The following IL1RAPL2 variants were observed in gnomAD, a reference collection of about 807,000 sequenced individuals.
IL1RAPL2 encodes interleukin 1 receptor accessory protein like 2.
IL1RAPL2 carries 3 observed loss-of-function variants against 44.1 expected under a neutral mutation model. That is an observed-to-expected ratio of 0.07 (90% CI 0.03 to 0.18). The LOEUF (loss-of-function observed/expected upper bound fraction) is 0.18, where lower values mean the gene tolerates loss of function less well. Ranked by LOEUF, IL1RAPL2 falls within the 10% of genes least tolerant of loss-of-function variation. The probability of loss-of-function intolerance (pLI) is 1.00; values close to 1 mark genes in which losing one functional copy is unlikely to be tolerated. For synonymous variants in IL1RAPL2, 181 were observed against 178.8 expected (o/e 1.01, Z -0.10); for missense variants, 391 against 496.4 (o/e 0.79, Z 2.02).
At chrX:105,590,277 G>C (rs1398416728) in intron 6 of IL1RAPL2, among the ~76,000 whole-genome samples, 1 of 111,012 alleles carries the variant, frequency 9.0e-6, no homozygotes, top group Non-Finnish European at 1.9e-5. Flanking sequence ...GATATTTTGG[G>C]CAGAGACCAT....
At chrX:105,048,218 G>A (rs1429057979) in intron 2 of IL1RAPL2, among the ~76,000 whole-genome samples, 1 of 112,017 alleles carries the variant, frequency 8.9e-6, no homozygotes, top group Non-Finnish European at 1.9e-5. Flanking sequence ...ACATGTGTCA[G>A]GATGCAAATG....
In IL1RAPL2 at chrX:105,452,673, A is replaced by AGG. The variant is rs370182798; in HGVS notation, c.698-31633_698-31632dup. ...TTTTCACTTACATCCAATAGATAAA[A>AGG]GGGGGGGGACATTGATTGTCTTAAA... On this transcript the variant is annotated intron_variant, in intron 5 of 10. Coordinates refer to ENST00000372582, the MANE Select transcript of IL1RAPL2 (RefSeq NM_017416.2). Among the ~76,000 whole-genome samples the AGG allele has an allele frequency of 2.7e-5, 3 of 110,013 alleles. No individual in the cohort carries two copies. In the East Asian group the frequency reaches 8.6e-4, roughly 31 times the overall value.
At chrX:105,363,306 ATAATATAT>A (rs1436523814) in intron 5 of IL1RAPL2, among the ~76,000 whole-genome samples, 2 of 75,554 alleles carry the variant, frequency 2.6e-5, no homozygotes, top group African/African-American at 2.3e-4. Context: ...ATATATATAT[ATAATATAT>A]ATATATATAT....
At chrX:105,717,564 A>T in intron 7 of IL1RAPL2, 68 bp downstream of exon 7, 1 of 1,010,033 alleles carries the variant, frequency 9.9e-7, no homozygotes. Context: ...TTTAATTGCA[A>T]CTCCAAATCA....
chrX:105,529,739 G>A (rs73529011), intron 6 of IL1RAPL2, among the ~76,000 whole-genome samples: 17,669 of 111,037 alleles, frequency 0.16, 3,444 homozygotes, highest in African/African-American at 0.55. Flanking sequence ...CATTCCGCCT[G>A]TCTCTATTCC....
chrX:105,411,273 C>T (rs2035693851), intron 5 of IL1RAPL2, among the ~76,000 whole-genome samples: 1 of 111,176 alleles, frequency 9.0e-6, no homozygotes, highest in African/African-American at 3.3e-5. Context: ...TATAAAACAA[C>T]CAGAAAACAA....
intron 2 of IL1RAPL2, among the ~76,000 whole-genome samples, chrX:104,745,678 T>TAA (rs1932162233): frequency 8.9e-6 from 1 of 111,930 alleles, no homozygotes; most frequent in Admixed American, 9.5e-5. Context: ...ACATTAATGA[T>TAA]AATTTTAGCA....
chrX:105,075,830 A>G (rs957150343), intron 2 of IL1RAPL2, among the ~76,000 whole-genome samples: 4 of 111,863 alleles, frequency 3.6e-5, no homozygotes, highest in Non-Finnish European at 7.5e-5. Context: ...TTATTTGTGT[A>G]GAGGTGTTTA....
intron 5 of IL1RAPL2, among the ~76,000 whole-genome samples, chrX:105,342,342 T>C (rs1445361311): frequency 8.9e-6 from 1 of 112,370 alleles, no homozygotes; most frequent in African/African-American, 3.2e-5. Context: ...TTATTATCTG[T>C]ATCTTACAGG....
chrX:105,558,210 TGTGTCTCAAAATCTTTTC>T (rs1168283269), intron 6 of IL1RAPL2, among the ~76,000 whole-genome samples: 4 of 111,591 alleles, frequency 3.6e-5, no homozygotes, highest in South Asian at 7.5e-4. Context: ...TGTGACTTTT[TGTGTCTCAAAATCTTTTC>T]GTGTCTCAAA....
At chrX:104,678,635 G>T (rs1249059662) in intron 2 of IL1RAPL2, among the ~76,000 whole-genome samples, 1 of 112,090 alleles carries the variant, frequency 8.9e-6, no homozygotes, top group Non-Finnish European at 1.9e-5. Context: ...CAGTCCCTAA[G>T]TGTCATTCGC....
chrX:105,008,606 A>G (rs2030987395), intron 2 of IL1RAPL2, among the ~76,000 whole-genome samples: 1 of 111,256 alleles, frequency 9.0e-6, no homozygotes, highest in East Asian at 2.8e-4. Context: ...TTAATTCAAG[A>G]TGGATTAAAG....
chrX:105,518,932 C>G (rs2036535750), intron 6 of IL1RAPL2, among the ~76,000 whole-genome samples: 1 of 110,586 alleles, frequency 9.0e-6, no homozygotes, highest in African/African-American at 3.4e-5. Flanking sequence ...AGCATCTATA[C>G]AACTTTCACC....
At chrX:104,949,150 A>C (rs1308843265) in intron 2 of IL1RAPL2, among the ~76,000 whole-genome samples, 2 of 108,369 alleles carry the variant, frequency 1.8e-5, no homozygotes, top group African/African-American at 6.7e-5. Flanking sequence ...GTCTTGGGAG[A>C]GTGTATGTGT....
intron 5 of IL1RAPL2, among the ~76,000 whole-genome samples, chrX:105,308,199 A>G (rs2034766787): frequency 9.0e-6 from 1 of 111,604 alleles, no homozygotes; most frequent in Non-Finnish European, 1.9e-5. Flanking sequence ...CATTTTTCCT[A>G]AAATAGGAAA....
chrX:104,604,812 T>G (rs1928970301), intron 1 of IL1RAPL2, among the ~76,000 whole-genome samples: 1 of 110,754 alleles, frequency 9.0e-6, no homozygotes, highest in African/African-American at 3.3e-5. Context: ...GCACCCAGAT[T>G]CATGAAGCAA....
intron 2 of IL1RAPL2, among the ~76,000 whole-genome samples, chrX:105,011,002 G>C (rs1186228952): frequency 1.8e-5 from 2 of 110,761 alleles, no homozygotes; most frequent in East Asian, 5.8e-4. Context: ...AAACTTAAGA[G>C]TAAGCTCTTG....
At chrX:105,275,135 C>T (rs1458331033) in intron 5 of IL1RAPL2, among the ~76,000 whole-genome samples, 1 of 108,632 alleles carries the variant, frequency 9.2e-6, no homozygotes, top group Non-Finnish European at 1.9e-5. Context: ...AACTTGAACT[C>T]GGGAGGTGGA....
At chrX:104,963,459 G>A (rs1354598872) in intron 2 of IL1RAPL2, among the ~76,000 whole-genome samples, 1 of 111,682 alleles carries the variant, frequency 9.0e-6, no homozygotes, top group Non-Finnish European at 1.9e-5. Flanking sequence ...TGGCATTATG[G>A]AAAACATTCT....
Sources: allele counts gnomAD v4.1 joint callset (sites outside exome capture counted in the v4.1 genomes callset), GRCh38; gene constraint gnomAD v4.1.1; transcripts MANE v1.5; gene names NCBI Gene and HGNC (gene_info 2026-07-23, HGNC 2026-07-21).